SH3TC1: variants seen among roughly 807,000 people sequenced by gnomAD.
SH3TC1 encodes the protein SH3 domain and tetratricopeptide repeats 1.
A neutral mutation model predicts 117.3 loss-of-function variants in SH3TC1; 135 were observed. The observed-to-expected ratio is 1.15, with a 90% CI of 1.00 to 1.33. The LOEUF is 1.33. Ranked by LOEUF, SH3TC1 falls within the 40% of genes most tolerant of loss-of-function variation. The pLI, the probability that SH3TC1 is intolerant of heterozygous loss-of-function variation, is 0.00. For synonymous variants in SH3TC1, 898 were observed against 816.9 expected (o/e 1.10, Z -1.69); for missense variants, 2,092 against 1,794.3 (o/e 1.17, Z -3.00).
intron 6 of SH3TC1, 136 bp from the exon 7 acceptor site, chr4:8,216,821 C>G (rs780028114): frequency 6.6e-5 from 56 of 843,154 alleles, no homozygotes; most frequent in Admixed American, 2.4e-4. Flanking sequence ...CCCTTTGGGT[C>G]TCTGTGCCTG....
rs374654021 is a variant in SH3TC1, at chr4:8,237,455, C to T, written c.3557-19C>T. The T allele has an allele frequency of 9.8e-5, 149 of 1,519,734 alleles. No homozygotes were observed. The African/African-American group carries it at 1.7e-3, about 17-fold the overall frequency. The allele number at this position is 1,519,734 out of a possible 1,614,324, so 94.1% of individuals were successfully genotyped here. A position where few individuals can be genotyped will look rare whatever the true frequency, so the allele number is the denominator to read the frequency against. On this transcript the variant is annotated intron_variant, in intron 16 of 17. Coordinates refer to ENST00000245105, the MANE Select transcript of SH3TC1 (RefSeq NM_018986.5). ...GGGGAGCCACGTCCTCACACCTGCC[C>T]CCTTGGCCTGCACCCCAGGGGACCG... is the stretch of plus-strand genomic sequence containing the variant.
intron 12 of SH3TC1, chr4:8,229,314 C>T (rs550955524): frequency 1.3e-5 from 2 of 150,926 alleles, no homozygotes; most frequent in South Asian, 2.1e-4. Context: ...CCTCTTTAGT[C>T]TGGGGCCAGA....
chr4:8,231,869 G>T (rs2152994756), intron 12 of SH3TC1, 107 bp from the exon 13 acceptor site: 1 of 1,336,086 alleles, frequency 7.5e-7, no homozygotes, highest in South Asian at 1.3e-5. Flanking sequence ...TGGGGCCCAG[G>T]CTCACAGAGG....
intron 1 of SH3TC1, among the ~76,000 whole-genome samples, chr4:8,204,504 C>T (rs895051767): frequency 1.3e-5 from 2 of 152,332 alleles, no homozygotes; most frequent in African/African-American, 2.4e-5. Context: ...GGACCTTTCC[C>T]CACCCACAAT....
At chr4:8,187,656 ATTC>A (rs780760635) in intron 1 of SH3TC1, among the ~76,000 whole-genome samples, 1 of 151,500 alleles carries the variant, frequency 6.6e-6, no homozygotes, top group Non-Finnish European at 1.5e-5. Flanking sequence ...GGTTCAAGCA[ATTC>A]TTCTGTGGCA....
At position 8,223,498 on chromosome 4, in the gene SH3TC1, C is replaced by T. The variant is rs187737885; in HGVS notation, c.1243+528C>T. Among the ~76,000 whole-genome samples the T allele has an allele frequency of 1.3e-3, 198 of 152,302 alleles. 1 individual carries two copies. The highest frequency in any genetic ancestry group is 4.6e-3 in the African/African-American group (190 of 41,560). ...TCTGACCTCAGTGCCCCTCTGTGTG[C>T]AAAAGCTTTCTCTGGGGGCTGCAGT... On this transcript the variant is annotated intron_variant, in intron 10 of 17. Coordinates refer to ENST00000245105, the MANE Select transcript of SH3TC1 (RefSeq NM_018986.5).
At chr4:8,232,562 C>G in intron 13 of SH3TC1, 2 of 1,361,158 alleles carry the variant, frequency 1.5e-6, no homozygotes, top group Non-Finnish European at 9.7e-7. Flanking sequence ...TGTGGCTTCT[C>G]TCCCACAGAA....
chr4:8,236,716 C>G, intron 16 of SH3TC1: 1 of 377,480 alleles, frequency 2.6e-6, no homozygotes, highest in African/African-American at 2.1e-5. Flanking sequence ...CCAGACATCT[C>G]GTTGGTCCCT....
chr4:8,182,976 C>T (rs1717119033), intron 1 of SH3TC1, among the ~76,000 whole-genome samples: 3 of 152,144 alleles, frequency 2.0e-5, no homozygotes, highest in Admixed American at 1.3e-4. Flanking sequence ...GAGGCAGGGA[C>T]TGGACGCAGA....
rs1578654182 is a variant in SH3TC1, at chr4:8,205,133, C to G, written c.-28-34C>G. 7.0e-7 allele frequency: 1 copy of G among 1,432,770 alleles called. No individual in the cohort carries two copies. Among genetic ancestry groups the G allele is most frequent in the East Asian group, 2.5e-5 (1 of 39,538 alleles). The allele number at this position is 1,432,770 out of a possible 1,614,324, so 88.8% of individuals were successfully genotyped here. A position where few individuals can be genotyped will look rare whatever the true frequency, so the allele number is the denominator to read the frequency against. ...AACCTCCGTGCTGGTTCTGGAGGGG[C>G]CACCTCTCCTGACCACACCCCCTCT... On this transcript the variant is annotated intron_variant, in intron 1 of 17. Coordinates refer to ENST00000245105, the MANE Select transcript of SH3TC1 (RefSeq NM_018986.5). This position sits in a 1 kb window ranked among gnomAD's most constrained non-coding sequence, Gnocchi z 5.4.
chr4:8,229,784 C>T (rs1205683896), intron 12 of SH3TC1, among the ~76,000 whole-genome samples: 1 of 152,086 alleles, frequency 6.6e-6, no homozygotes, highest in Non-Finnish European at 1.5e-5. Flanking sequence ...ACCCGGCACC[C>T]CAGCCCCCAC....
Position 8,218,273 on chromosome 4 carries a change from G to A in SH3TC1, c.842G>A (p.Trp281Ter). The A allele has an allele frequency of 6.2e-7, 1 of 1,609,994 alleles. No individual in the cohort carries two copies. The highest frequency in any genetic ancestry group is 8.5e-7 in the Non-Finnish European group (1 of 1,176,870). ...AGACCTCCCTCTTCCGGCTCCAGGT[G>A]GGCTCTTAGGATCCCCCAGGACCCC... ...APEPLIPFHQ[W>*]ALRIPQDPID... The change falls in exon 8 of 18, where the codon TGG (tryptophan) becomes TAG (stop). Residue 281 changes from tryptophan to a stop codon, truncating the protein, a stop_gained and splice_region_variant. Coordinates refer to ENST00000245105, the MANE Select transcript of SH3TC1 (RefSeq NM_018986.5). LOFTEE classifies it high-confidence loss of function.
rs758899838 is a variant in SH3TC1, at chr4:8,217,011, G to A, written c.683G>A (p.Arg228Gln). 1.6e-5 allele frequency: 26 copies of A among 1,613,754 alleles called. No individual in the cohort carries two copies. In the Admixed American group the frequency reaches 2.5e-4, roughly 16 times the overall value. ...DHHVRVMTGP[R>Q]DAGNGPQALR... ...CATGTGAGAGTGATGACGGGTCCCC[G>A]GGATGCAGGAAATGGCCCCCAGGCC... is the stretch of plus-strand genomic sequence containing the variant. The change falls in exon 7 of 18, where the codon CGG becomes CAG. Residue 228 changes from arginine to glutamine, a missense_variant. Arg to Gln is a conservative substitution (Grantham distance 43, BLOSUM62 1). Transcript: ENST00000245105.
rs1413275602 is a variant in SH3TC1 at position 8,232,065 on chromosome 4, C to T, written c.3040C>T (p.Leu1014Phe). 4 of 1,613,414 alleles carry T rather than the reference C, an allele frequency of 2.5e-6. No individual in the cohort carries two copies. Among genetic ancestry groups the T allele is most frequent in the African/African-American group, 2.7e-5 (2 of 74,900 alleles). The change falls in exon 13 of 18, where the codon CTC becomes TTC. Residue 1014 changes from leucine (L) to phenylalanine (F), a missense_variant. Leu to Phe is a conservative substitution (Grantham distance 22). Coordinates refer to ENST00000245105, the MANE Select transcript of SH3TC1 (RefSeq NM_018986.5). ...GTGTGTCATCTACCATGAGCTCCAG[C>T]TCTCCCTGGCCTGCAAGGTGGCCGA... The part of the protein sequence containing the change: ...AQCVIYHELQ[L>F]SLACKVADKV...
chr4:8,235,686 T>C, intron 15 of SH3TC1, 131 bp downstream of exon 15: 1 of 1,290,664 alleles, frequency 7.7e-7, no homozygotes, highest in Non-Finnish European at 1.0e-6. Context: ...AGTTTCCTAG[T>C]GGTTTCACCG....
intron 12 of SH3TC1, among the ~76,000 whole-genome samples, chr4:8,230,085 G>A (rs1380270805): frequency 2.0e-5 from 3 of 152,114 alleles, no homozygotes; most frequent in African/African-American, 2.4e-5. Flanking sequence ...AAGACCGAGG[G>A]TGGGGCTGAT....
upstream of SH3TC1, among the ~76,000 whole-genome samples, chr4:8,197,976 G>C (rs1717617133): frequency 6.6e-6 from 1 of 152,064 alleles, no homozygotes; most frequent in South Asian, 2.1e-4. Context: ...CTCAGCCTGG[G>C]GTGACTTCAC....
At chr4:8,184,518 T>G (rs1312299468) in intron 1 of SH3TC1, among the ~76,000 whole-genome samples, 1 of 152,220 alleles carries the variant, frequency 6.6e-6, no homozygotes, top group Non-Finnish European at 1.5e-5. Context: ...TAGCTGGGAC[T>G]ACAGGCACAT....
In SH3TC1 at chr4:8,219,495, G is replaced by A. The variant is rs766736931; in HGVS notation, c.1077G>A (p.Arg359=). The change falls in exon 9 of 18, where the codon CGG becomes CGA. Residue 359 remains arginine, a synonymous_variant. Transcript: ENST00000245105. ...CCTCGGGCCGGGTGGGGTTTGTGCG[G>A]AGCAGCCTCATCAGCATGCAGGGCC... ...HAASGRVGFV[R]SSLISMQGPV... The A allele has an allele frequency of 1.3e-6, 2 of 1,592,682 alleles. No homozygotes were observed. The highest frequency in any genetic ancestry group is 8.6e-7 in the Non-Finnish European group (1 of 1,165,732).
Sources: gnomAD v4.1 joint callset for allele counts (sites outside exome capture counted in the v4.1 genomes callset) on GRCh38, gnomAD v4.1.1 for gene constraint, Gnocchi (gnomAD v3.1) non-coding constraint, MANE v1.5 for transcripts, NCBI Gene and HGNC (gene_info 2026-07-23, HGNC 2026-07-21) for gene names.